ARHGAP32: variants seen among roughly 807,000 people sequenced by gnomAD.
The protein encoded by ARHGAP32 is Rho GTPase activating protein 32.
A neutral mutation model predicts 186.5 loss-of-function variants in ARHGAP32; 51 were observed. That is an observed-to-expected ratio of 0.27 (90% CI 0.22 to 0.35). The LOEUF (loss-of-function observed/expected upper bound fraction) is 0.35. ARHGAP32 is among the 10% of genes least tolerant of loss of function. ARHGAP32 has a pLI of 1.00. For missense variants in ARHGAP32, 2,186 were observed against 2,623.5 expected, an observed-to-expected ratio of 0.83 and a Z score of 3.64; for synonymous variants, 950 against 964.3, an observed-to-expected ratio of 0.99 and a Z score of 0.27.
intron 6 of ARHGAP32, among the ~76,000 whole-genome samples, chr11:129,081,228 T>A (rs771668288): frequency 1.3e-5 from 2 of 151,944 alleles, no homozygotes; most frequent in Non-Finnish European, 2.9e-5. Flanking sequence ...TTCCAAAAGA[T>A]AGAGAAAGAG....
chr11:129,249,553 G>A (rs992227540), intron 1 of ARHGAP32, among the ~76,000 whole-genome samples: 3 of 152,024 alleles, frequency 2.0e-5, no homozygotes, highest in Admixed American at 6.5e-5. Flanking sequence ...CAATTAAAGC[G>A]GTTTCCCAAA....
At chr11:129,131,260 T>A (rs371121419) in intron 2 of ARHGAP32, among the ~76,000 whole-genome samples, 21 of 152,132 alleles carry the variant, frequency 1.4e-4, no homozygotes, top group Non-Finnish European at 2.2e-4. Flanking sequence ...GGACAAACAT[T>A]AGTGCATTTT....
chr11:129,259,614 T>C (rs1051264701), intron 1 of ARHGAP32, among the ~76,000 whole-genome samples: 1 of 149,636 alleles, frequency 6.7e-6, no homozygotes, highest in African/African-American at 2.4e-5. Flanking sequence ...GACCCAGATA[T>C]AGAAGCATTT....
chr11:129,010,091 G>A (rs1016101503), intron 11 of ARHGAP32, among the ~76,000 whole-genome samples: 1 of 152,004 alleles, frequency 6.6e-6, no homozygotes, highest in East Asian at 1.9e-4. Flanking sequence ...GGCAGGATGA[G>A]TGTCTTCTTT....
At chr11:129,230,372 G>C (rs1944841678) in intron 1 of ARHGAP32, among the ~76,000 whole-genome samples, 1 of 152,072 alleles carries the variant, frequency 6.6e-6, no homozygotes, top group South Asian at 2.1e-4. Flanking sequence ...AGTTGTTTTT[G>C]GACGTGGATA....
chr11:129,184,400 A>G (rs1167130846), intron 1 of ARHGAP32, among the ~76,000 whole-genome samples: 1 of 152,178 alleles, frequency 6.6e-6, no homozygotes. Flanking sequence ...GCTCAAAAAG[A>G]AAGAAAATAA....
chr11:129,148,603 C>A (rs1052492388), intron 2 of ARHGAP32, among the ~76,000 whole-genome samples: 1 of 152,104 alleles, frequency 6.6e-6, no homozygotes, highest in Admixed American at 6.5e-5. Context: ...TCTGACTGGG[C>A]GTGAATTTCC....
intron 2 of ARHGAP32, among the ~76,000 whole-genome samples, chr11:129,154,012 A>G (rs1224988078): frequency 6.6e-6 from 1 of 151,934 alleles, no homozygotes; most frequent in Admixed American, 6.6e-5. Flanking sequence ...CCCAGAATTC[A>G]CAAAGAACTC....
chr11:129,089,706 A>T (rs982332535), intron 6 of ARHGAP32, among the ~76,000 whole-genome samples: 18 of 152,206 alleles, frequency 1.2e-4, no homozygotes, highest in African/African-American at 4.3e-4. Context: ...GATACTAACA[A>T]TATTTGATTT....
At chr11:129,106,487 T>C (rs1942051760) in intron 5 of ARHGAP32, among the ~76,000 whole-genome samples, 1 of 151,608 alleles carries the variant, frequency 6.6e-6, no homozygotes, top group Non-Finnish European at 1.5e-5. Flanking sequence ...CTTACGGAAA[T>C]AAAGATGGTA....
At chr11:129,210,932 C>T (rs1944571650) in intron 1 of ARHGAP32, among the ~76,000 whole-genome samples, 1 of 152,216 alleles carries the variant, frequency 6.6e-6, no homozygotes, top group Non-Finnish European at 1.5e-5. Context: ...CTGCACGGGA[C>T]TGCTGCACTG....
At chr11:129,130,277 G>A (rs992327011) in intron 2 of ARHGAP32, among the ~76,000 whole-genome samples, 5 of 152,006 alleles carry the variant, frequency 3.3e-5, no homozygotes, top group African/African-American at 7.2e-5. Flanking sequence ...GTTTTTAAAA[G>A]TATGCAAAAA....
rs1483484594 is a variant in ARHGAP32, at chr11:128,967,178, A to T, written c.*1729T>A. The stretch of plus-strand genomic sequence containing the variant: ...AACATTTTATTTTTTTCTAAATATA[A>T]ACCCTTAAAATGCACATTATTTTTT... On this transcript the variant is annotated 3_prime_UTR_variant, in exon 23 of 23. Transcript: ENST00000682385. 1 of 152,246 alleles carries T rather than the reference A, an allele frequency of 6.6e-6. No homozygotes were observed. The highest frequency in any genetic ancestry group is 2.4e-5 in the African/African-American group (1 of 41,466). 9.4% of individuals were successfully genotyped at this position (152,246 alleles called of 1,614,324 possible). A position where few individuals can be genotyped will look rare whatever the true frequency, so the allele number is the denominator to read the frequency against.
chr11:129,218,988 C>T (rs540025567), intron 1 of ARHGAP32, among the ~76,000 whole-genome samples: 115 of 152,134 alleles, frequency 7.6e-4, no homozygotes, highest in Non-Finnish European at 1.3e-3. Flanking sequence ...ATGAGAGCCA[C>T]GGCCAACCCT....
intron 2 of ARHGAP32, among the ~76,000 whole-genome samples, chr11:129,139,324 T>A (rs1942999769): frequency 6.6e-6 from 1 of 152,216 alleles, no homozygotes; most frequent in South Asian, 2.1e-4. Context: ...TGTATAGTCA[T>A]TAAATATGTT....
intron 1 of ARHGAP32, among the ~76,000 whole-genome samples, chr11:129,245,671 TA>T: frequency 1.5e-5 from 1 of 66,046 alleles, no homozygotes; most frequent in African/African-American, 6.1e-5. Flanking sequence ...ATAATAATAA[TA>T]ATAATAATAA....
chr11:128,978,903 T>C lies in ARHGAP32; in HGVS notation c.1989A>G (p.Gln663=). ...CCACAGGAGACTTTTTCATCTTATT[T>C]TGAGGCCTCTTTCTATGAAAGAGAA... The part of the protein sequence containing the change: ...IEFPLERKRP[Q]NKMKKSPVGS... The change falls in exon 19 of 23, where the codon CAA becomes CAG. Residue 663 remains glutamine (Q), a synonymous_variant. Transcript: ENST00000682385. 6.2e-7 allele frequency: 1 copy of C among 1,605,108 alleles called. No homozygotes were observed. Among genetic ancestry groups the C allele is most frequent in the African/African-American group, 1.3e-5 (1 of 74,086 alleles).
chr11:129,024,507 A>G (rs1020259647), intron 11 of ARHGAP32, among the ~76,000 whole-genome samples: 1 of 152,244 alleles, frequency 6.6e-6, no homozygotes, highest in African/African-American at 2.4e-5. Context: ...ATAGGCTGAG[A>G]AAACAAATCT....
chr11:129,033,410 T>C (rs901742979), intron 11 of ARHGAP32, among the ~76,000 whole-genome samples: 8 of 152,206 alleles, frequency 5.3e-5, no homozygotes, highest in African/African-American at 1.7e-4. Flanking sequence ...CTTGCCAACC[T>C]TAGATATCAT....
Sources: allele counts gnomAD v4.1 joint callset (sites outside exome capture counted in the v4.1 genomes callset), GRCh38; gene constraint gnomAD v4.1.1; transcripts MANE v1.5; gene names NCBI Gene and HGNC (gene_info 2026-07-23, HGNC 2026-07-21).